The following MLXIPL variants were observed in gnomAD, a reference collection of about 807,000 sequenced individuals.
MLXIPL encodes the protein carbohydrate-responsive element-binding protein.
In MLXIPL, 49 loss-of-function variants were observed where a neutral mutation model predicts 81.5. That is an observed-to-expected ratio of 0.60 (90% CI 0.48 to 0.76). The LOEUF (loss-of-function observed/expected upper bound fraction) is 0.76, where lower values mean the gene tolerates loss of function less well. MLXIPL is among the 30% of genes least tolerant of loss of function. The pLI, the probability that MLXIPL is intolerant of heterozygous loss-of-function variation, is 0.00. For missense variants in MLXIPL, 1,053 were observed against 1,167.0 expected (o/e 0.90, Z 1.42); for synonymous variants, 466 against 485.5 (o/e 0.96, Z 0.53).
chr7:73,647,317 C>G, the MLXIPL span, among the ~76,000 whole-genome samples: 3 of 152,178 alleles, frequency 2.0e-5, no homozygotes, highest in Non-Finnish European at 4.4e-5. Flanking sequence ...TTTGGTCCTC[C>G]TCATCCCAGG....
intron 2 of MLXIPL, among the ~76,000 whole-genome samples, chr7:73,608,709 C>A (rs1554599067): frequency 6.6e-6 from 1 of 152,206 alleles, no homozygotes; most frequent in Non-Finnish European, 1.5e-5. Context: ...ACCCTTGGTT[C>A]ACTTCTGACC....
chr7:73,597,280 C>T lies in MLXIPL; in HGVS notation c.1505G>A (p.Gly502Glu). Residue 502 changes from glycine to glutamate, a missense_variant, in exon 9 of 17, where the codon GGA (glycine) becomes GAA (glutamate). Gly to Glu is a moderately conservative substitution (Grantham distance 98, BLOSUM62 -2). Coordinates refer to ENST00000313375, the MANE Select transcript of MLXIPL (RefSeq NM_032951.3). ...TAAGGTAGGGGGGCTGGCTTTCTGT[C>T]CCCTAGGGGATGGGGCGGGGGGCTT... Reference protein sequence around the residue: ...RGKPPAPSPRGQKASPPTLAP... With the variant: ...RGKPPAPSPREQKASPPTLAP... 6.3e-7 allele frequency: 1 copy of T among 1,580,928 alleles called. No homozygotes were observed. Among genetic ancestry groups the T allele is most frequent in the Non-Finnish European group, 8.6e-7 (1 of 1,163,666 alleles).
chr7:73,612,977 C>T (rs782632193), intron 2 of MLXIPL, among the ~76,000 whole-genome samples: 59 of 152,046 alleles, frequency 3.9e-4, no homozygotes, highest in South Asian at 6.2e-4. Context: ...GCCCCAGGAG[C>T]GGTGCAAAGT....
rs1057397218 is a variant in MLXIPL at position 73,594,525 on chromosome 7, A to G, written c.2311-122T>C. The G allele has an allele frequency of 2.5e-5, 31 of 1,245,630 alleles. No individual in the cohort carries two copies. In the Admixed American group the frequency reaches 4.8e-4, roughly 19 times the overall value. 77.2% of individuals were successfully genotyped at this position (1,245,630 alleles called of 1,614,324 possible). ...GGACACTGTCTAACGTTGAACCCCAATGACTCATGTTGCAGCCCCTACTTC... is the reference window on the plus strand; with the variant it reads ...GGACACTGTCTAACGTTGAACCCCAGTGACTCATGTTGCAGCCCCTACTTC... On this transcript the variant is annotated intron_variant, in intron 15 of 16. Transcript: ENST00000313375.
upstream of MLXIPL, among the ~76,000 whole-genome samples, chr7:73,627,855 A>T (rs1796776966): frequency 6.6e-6 from 1 of 151,956 alleles, no homozygotes; most frequent in Admixed American, 6.6e-5. Context: ...TCAGGTGAAG[A>T]CCGGAATTGA....
chr7:73,638,979 G>GA, the MLXIPL span, among the ~76,000 whole-genome samples: 63 of 151,652 alleles, frequency 4.2e-4, no homozygotes, highest in African/African-American at 1.4e-3. Context: ...GTAGAGAGGA[G>GA]AAAAAAAATA....
At chr7:73,615,321 G>A (rs1402043940) in intron 2 of MLXIPL, among the ~76,000 whole-genome samples, 3 of 152,304 alleles carry the variant, frequency 2.0e-5, no homozygotes, top group East Asian at 1.9e-4. Context: ...TTCAATGAAA[G>A]GCTGGTGGAG....
At position 73,596,648 on chromosome 7, in the gene MLXIPL, C is replaced by A. The variant is rs202235651; in HGVS notation, c.1813G>T (p.Ala605Ser). ...VPKAERLSPP[A>S]PSGSERRLSG... The stretch of plus-strand genomic sequence containing the variant: ...CAACCCCTCTCTTTACCGCTGGGCG[C>A]TGGGGGTGAGAGCCGCTCCGCTTTG... Residue 605 changes from alanine (A) to serine (S), a missense_variant, in exon 11 of 17, where the codon GCG (alanine) becomes TCG (serine). By Grantham distance (99) the Ala-to-Ser change is moderately conservative (BLOSUM62 1). Around this residue, in one of 3 missense-constraint regions of MLXIPL, gnomAD observed 823 missense variants for 933.0 expected, o/e 0.88. Coordinates refer to ENST00000313375, the MANE Select transcript of MLXIPL (RefSeq NM_032951.3). This position sits in a 1 kb window ranked among gnomAD's most constrained non-coding sequence, Gnocchi z 4.7. 47 of 1,596,678 alleles carry A rather than the reference C, an allele frequency of 2.9e-5. No individual in the cohort carries two copies. The Admixed American group carries it at 8.0e-4, about 27-fold the overall frequency.
intron 1 of MLXIPL, among the ~76,000 whole-genome samples, chr7:73,616,627 C>T (rs976958946): frequency 6.6e-6 from 1 of 152,050 alleles, no homozygotes; most frequent in Non-Finnish European, 1.5e-5. Context: ...GCGGGTGGAT[C>T]GCCTGAGGTC....
In MLXIPL at chr7:73,597,666, A is replaced by G. The variant is rs1584079645; in HGVS notation, c.1119T>C (p.Ser373=). ...PGPLDSSAFL[S]SDFLLPEDPK... ...GGTCTTCAGGAAGGAGGAAATCAGA[A>G]CTCAGGAAGGCGCTGGAGTCCAAGG... Residue 373 remains serine (S), a synonymous_variant, in exon 9 of 17, where the codon AGT becomes AGC. Coordinates refer to ENST00000313375, the MANE Select transcript of MLXIPL (RefSeq NM_032951.3). 3 of 1,372,486 alleles carry G rather than the reference A, an allele frequency of 2.2e-6. No individual in the cohort carries two copies. The highest frequency in any genetic ancestry group is 2.8e-6 in the Non-Finnish European group (3 of 1,066,872). The allele number at this position is 1,372,486 out of a possible 1,614,324, so 85.0% of individuals were successfully genotyped here. A position where few individuals can be genotyped will look rare whatever the true frequency, so the allele number is the denominator to read the frequency against.
At position 73,595,733 on chromosome 7, in the gene MLXIPL, T is replaced by C; in HGVS notation, c.2214A>G (p.Thr738=). 6.2e-7 allele frequency: 1 copy of C among 1,610,282 alleles called. No individual in the cohort carries two copies. Among genetic ancestry groups the C allele is most frequent in the Non-Finnish European group, 8.5e-7 (1 of 1,178,238 alleles). ...INLCQQQLPA[T]GVPITHQRFD... is the part of the protein sequence containing the mutation. ...AACGCTGGTGTGTGATGGGTACCCC[T>C]GTGGCGGGCAGCTGCTGCTGGCACA... Residue 738 remains threonine (T), a synonymous_variant, in exon 15 of 17, where the codon ACA becomes ACG. Transcript: ENST00000313375.
the MLXIPL span, among the ~76,000 whole-genome samples, chr7:73,646,343 A>G: frequency 6.6e-6 from 1 of 152,158 alleles, no homozygotes; most frequent in East Asian, 1.9e-4. Context: ...CAGCCTGCAG[A>G]AGCTCATATG....
At position 73,593,255 on chromosome 7, in the gene MLXIPL, ATC is replaced by A; in HGVS notation, c.*608_*609del. ...TTCTTTACAAAACCCACACACACAC[ATC>A]CACACACACACACACACATGATGCC... On this transcript the variant is annotated 3_prime_UTR_variant, in exon 17 of 17. Coordinates refer to ENST00000313375, the MANE Select transcript of MLXIPL (RefSeq NM_032951.3). 6.1e-6 allele frequency: 1 copy of A among 164,196 alleles called. No homozygotes were observed. The allele number at this position is 164,196 out of a possible 1,614,324, so 10.2% of individuals were successfully genotyped here. A position where few individuals can be genotyped will look rare whatever the true frequency, so the allele number is the denominator to read the frequency against.
chr7:73,599,769 G>A, intron 7 of MLXIPL, 74 bp from the exon 8 acceptor site: 1 of 1,441,284 alleles, frequency 6.9e-7, no homozygotes, highest in East Asian at 2.3e-5. Context: ...GAGGAGAGTG[G>A]CCTGTCCCCA....
the MLXIPL span, among the ~76,000 whole-genome samples, chr7:73,644,394 G>C: frequency 6.6e-6 from 1 of 152,018 alleles, no homozygotes. Context: ...ATTTTTAGTA[G>C]AGACAGGGTT....
Position 73,593,437 on chromosome 7 carries a change from C to A in MLXIPL, c.*428G>T, listed in dbSNP as rs1181936905. On this transcript the variant is annotated 3_prime_UTR_variant, in exon 17 of 17. Coordinates refer to ENST00000313375, the MANE Select transcript of MLXIPL (RefSeq NM_032951.3). The stretch of plus-strand genomic sequence containing the variant: ...TGCTTCTCTGCTCAGGAACAGAGGT[C>A]TGTGCCCCACCTGTCGGGGAGCAAG... 1.4e-5 allele frequency: 4 copies of A among 283,514 alleles called. No individual in the cohort carries two copies. Among genetic ancestry groups the A allele is most frequent in the African/African-American group, 8.8e-5 (4 of 45,666 alleles). The allele number at this position is 283,514 out of a possible 1,614,324, so 17.6% of individuals were successfully genotyped here.
chr7:73,634,100 G>A, the MLXIPL span, among the ~76,000 whole-genome samples: 2 of 152,180 alleles, frequency 1.3e-5, no homozygotes, highest in African/African-American at 4.8e-5. Context: ...CACTTCCCCT[G>A]TCTGGATCTC....
At chr7:73,614,834 G>T (rs1239016900) in intron 2 of MLXIPL, among the ~76,000 whole-genome samples, 5 of 142,588 alleles carry the variant, frequency 3.5e-5, no homozygotes, top group Non-Finnish European at 6.0e-5. Context: ...TTTTTGAGAC[G>T]GAGTCTCGCC....
In MLXIPL at chr7:73,595,767, G is replaced by C; in HGVS notation, c.2187-7C>G. 2.5e-6 allele frequency: 4 copies of C among 1,587,230 alleles called. No homozygotes were observed. The highest frequency in any genetic ancestry group is 3.4e-6 in the Non-Finnish European group (4 of 1,166,592). On this transcript the variant is annotated splice_region_variant and splice_polypyrimidine_tract_variant and intron_variant, in intron 14 of 16. Transcript: ENST00000313375. ...CAGCTGCTGCTGGCACAGGCTGGGGGCAGGGCAGGGGTCAGGGGCTGGGGG... is the reference window on the plus strand; with the variant it reads ...CAGCTGCTGCTGGCACAGGCTGGGGCCAGGGCAGGGGTCAGGGGCTGGGGG...
Sources: allele counts gnomAD v4.1 joint callset (sites outside exome capture counted in the v4.1 genomes callset), GRCh38; gene constraint gnomAD v4.1.1; regional missense constraint gnomAD v4.1.1; non-coding constraint Gnocchi (gnomAD v3.1); transcripts MANE v1.5; gene names NCBI Gene and HGNC (gene_info 2026-07-23, HGNC 2026-07-21).